The following THSD7A variants were observed in gnomAD, a reference collection of about 807,000 sequenced individuals.
THSD7A encodes the protein thrombospondin type 1 domain containing 7A.
Under a neutral mutation model 231.3 loss-of-function variants are expected in THSD7A, and 96 were observed. That is an observed-to-expected ratio of 0.41 (90% CI 0.35 to 0.49). The LOEUF (loss-of-function observed/expected upper bound fraction) is 0.49. Among genes scored for constraint, THSD7A ranks in the 20% least tolerant of loss-of-function variants. THSD7A has a pLI of 0.05. For synonymous variants in THSD7A, 940 were observed against 743.3 expected, an observed-to-expected ratio of 1.26 and a Z score of -4.30; for missense variants, 2,290 against 2,070.2, an observed-to-expected ratio of 1.11 and a Z score of -2.06.
intron 6 of THSD7A, among the ~76,000 whole-genome samples, chr7:11,526,269 A>C (rs767340547): frequency 3.9e-5 from 6 of 152,142 alleles, no homozygotes; most frequent in Non-Finnish European, 8.8e-5. Context: ...AAGTTCTTCT[A>C]TACTTCTGTG....
chr7:11,760,593 A>G (rs1291006936), intron 1 of THSD7A, among the ~76,000 whole-genome samples: 1 of 152,080 alleles, frequency 6.6e-6, no homozygotes, highest in Admixed American at 6.6e-5. Flanking sequence ...ACAGGATGCC[A>G]ATTACAGCAA....
chr7:11,458,855 G>A (rs998783208), intron 11 of THSD7A, among the ~76,000 whole-genome samples: 1 of 152,122 alleles, frequency 6.6e-6, no homozygotes, highest in Non-Finnish European at 1.5e-5. Flanking sequence ...AGGCCCATAT[G>A]CATACATTCA....
At chr7:11,579,866 A>G (rs1334415225) in intron 4 of THSD7A, among the ~76,000 whole-genome samples, 1 of 152,168 alleles carries the variant, frequency 6.6e-6, no homozygotes, top group Admixed American at 6.5e-5. Context: ...GAAACAATGC[A>G]TGTGTTTCTG....
chr7:11,453,368 A>AC (rs1469818926), intron 11 of THSD7A, among the ~76,000 whole-genome samples: 3 of 151,172 alleles, frequency 2.0e-5, no homozygotes, highest in African/African-American at 7.3e-5. Flanking sequence ...ATCTTTTTAA[A>AC]CCAATAAGTG....
At chr7:11,430,502 C>G (rs1404633857) in intron 13 of THSD7A, among the ~76,000 whole-genome samples, 2 of 151,954 alleles carry the variant, frequency 1.3e-5, no homozygotes, top group Non-Finnish European at 2.9e-5. Context: ...ACTCTGTCAC[C>G]CAGGCTGGAG....
At position 11,492,586 on chromosome 7, in the gene THSD7A, G is replaced by A. The variant is rs149210798; in HGVS notation, c.1823-10604C>T. ...TTTTGACCCACTGATGGAGATTGTG[G>A]ATTGATGAAGTGACTAGAGATGGCA... is the stretch of plus-strand genomic sequence containing the variant. On this transcript the variant is annotated intron_variant, in intron 6 of 27. Transcript: ENST00000423059. 2.3e-3 allele frequency among the ~76,000 whole-genome samples: 348 copies of A among 152,036 alleles called. 1 individual carries two copies. The highest frequency in any genetic ancestry group is 8.1e-3 in the African/African-American group (338 of 41,508).
rs1054242193 is a variant in THSD7A at position 11,637,073 on chromosome 7, T to C, written c.191-112A>G. ...TAGTACATTAACTTCCCTGCGGTGT[T>C]ACAAAGTAGGTCTCTGGACACGACT... On this transcript the variant is annotated intron_variant, in intron 1 of 27. Transcript: ENST00000423059. This position sits in a 1 kb window ranked among gnomAD's most constrained non-coding sequence, Gnocchi z 4.2. 1.1e-5 allele frequency: 11 copies of C among 974,800 alleles called. No individual in the cohort carries two copies. In the African/African-American group the frequency reaches 1.6e-4, roughly 15 times the overall value. 60.4% of individuals were successfully genotyped at this position (974,800 alleles called of 1,614,324 possible).
intron 3 of THSD7A, 92 bp downstream of exon 3, chr7:11,593,162 A>C (rs913381243): frequency 6.7e-7 from 1 of 1,484,386 alleles, no homozygotes; most frequent in Non-Finnish European, 9.0e-7. Context: ...TATGTGTAAA[A>C]ATTACTGTTG....
chr7:11,412,761 G>T lies in THSD7A; in HGVS notation c.3577C>A (p.Pro1193Thr). ...QSSFRQRSADPIRQPADEGRS... is the reference protein window; with the variant it reads ...QSSFRQRSADTIRQPADEGRS... Reference sequence around the variant, plus strand: ...CCTTCATCAGCTGGTTGTCTGATGGGATCAGCTGACCTTTGCCGGAAACTG... The same window carrying T: ...CCTTCATCAGCTGGTTGTCTGATGGTATCAGCTGACCTTTGCCGGAAACTG... The change falls in exon 18 of 28, where the codon CCC becomes ACC. Residue 1193 changes from proline (P) to threonine (T), a missense_variant. Physicochemically the swap from Pro to Thr is conservative, Grantham distance 38. Coordinates refer to ENST00000423059, the MANE Select transcript of THSD7A (RefSeq NM_015204.3). 6.2e-7 allele frequency: 1 copy of T among 1,613,406 alleles called. No homozygotes were observed. The highest frequency in any genetic ancestry group is 8.5e-7 in the Non-Finnish European group (1 of 1,179,610).
Position 11,429,855 on chromosome 7 carries a change from C to T in THSD7A, c.3065-730G>A, listed in dbSNP as rs530400205. Among the ~76,000 whole-genome samples the T allele has an allele frequency of 6.6e-4, 100 of 152,290 alleles. 4 individuals carry two copies. In the South Asian group the frequency reaches 0.02, roughly 31 times the overall value. On this transcript the variant is annotated intron_variant, in intron 13 of 27. Transcript: ENST00000423059. ...AGGGAAAAGTTTTCTGAGGTCTAAT[C>T]CAGTACTCATTCCATCAAATCATCC...
intron 1 of THSD7A, among the ~76,000 whole-genome samples, chr7:11,740,280 C>T (rs1399595004): frequency 3.3e-5 from 5 of 151,814 alleles, no homozygotes; most frequent in Non-Finnish European, 7.4e-5. Context: ...GTCAATGATC[C>T]CAGAGACGGG....
intron 23 of THSD7A, among the ~76,000 whole-genome samples, chr7:11,397,756 A>C (rs966152683): frequency 6.6e-6 from 1 of 152,220 alleles, no homozygotes; most frequent in Admixed American, 6.5e-5. Context: ...ATGAACAGAC[A>C]CTTCTGAAAA....
intron 1 of THSD7A, among the ~76,000 whole-genome samples, chr7:11,801,897 T>G (rs1784287279): frequency 6.6e-6 from 1 of 152,208 alleles, no homozygotes; most frequent in South Asian, 2.1e-4. Flanking sequence ...ACTGCATAGT[T>G]ATCAGGAATA....
intron 1 of THSD7A, among the ~76,000 whole-genome samples, chr7:11,681,499 A>G (rs1339389715): frequency 6.6e-6 from 1 of 152,076 alleles, no homozygotes; most frequent in Non-Finnish European, 1.5e-5. Context: ...CAAGTAGAAG[A>G]AAGAATTTCA....
chr7:11,524,330 G>C (rs1385231446), intron 6 of THSD7A, among the ~76,000 whole-genome samples: 1 of 152,052 alleles, frequency 6.6e-6, no homozygotes, highest in African/African-American at 2.4e-5. Context: ...GGGCTTCTGG[G>C]CTCTGTCATG....
At chr7:11,510,618 A>G (rs1787766325) in intron 6 of THSD7A, among the ~76,000 whole-genome samples, 1 of 152,246 alleles carries the variant, frequency 6.6e-6, no homozygotes, top group African/African-American at 2.4e-5. Flanking sequence ...GGCTGGTTCA[A>G]CATACACGAA....
At chr7:11,643,886 T>C (rs1308127135) in intron 1 of THSD7A, among the ~76,000 whole-genome samples, 1 of 152,044 alleles carries the variant, frequency 6.6e-6, no homozygotes, top group Non-Finnish European at 1.5e-5. Context: ...CATGTAGTAT[T>C]GCAAAAGTGC....
At chr7:11,705,427 G>T (rs182364731) in intron 1 of THSD7A, among the ~76,000 whole-genome samples, 19 of 151,100 alleles carry the variant, frequency 1.3e-4, no homozygotes, top group Non-Finnish European at 1.6e-4. Context: ...ACTTCTGGAA[G>T]TTGACTCAGT....
intron 13 of THSD7A, among the ~76,000 whole-genome samples, chr7:11,437,207 T>C (rs942673834): frequency 6.6e-6 from 1 of 152,062 alleles, no homozygotes; most frequent in Non-Finnish European, 1.5e-5. Flanking sequence ...TGTCGGAACA[T>C]GAACTAAATG....
Sources: allele counts gnomAD v4.1 joint callset (sites outside exome capture counted in the v4.1 genomes callset), GRCh38; gene constraint gnomAD v4.1.1; non-coding constraint Gnocchi (gnomAD v3.1); transcripts MANE v1.5; gene names NCBI Gene and HGNC (gene_info 2026-07-23, HGNC 2026-07-21).